The following DDX43 variants were observed in gnomAD, a reference collection of about 807,000 sequenced individuals.
The protein encoded by DDX43 is probable ATP-dependent RNA helicase DDX43.
In DDX43, 50 loss-of-function variants were observed where a neutral mutation model predicts 84.9. The observed-to-expected ratio is 0.59, with a 90% CI of 0.47 to 0.75. The LOEUF (loss-of-function observed/expected upper bound fraction) is 0.75. Ranked by LOEUF, DDX43 falls within the 30% of genes least tolerant of loss-of-function variation. DDX43 has a pLI of 0.00. For synonymous variants in DDX43, 291 were observed against 266.3 expected (o/e 1.09, Z -0.90); for missense variants, 689 against 798.6 (o/e 0.86, Z 1.65).
intron 1 of DDX43, among the ~76,000 whole-genome samples, chr6:73,395,789 CT>C (rs1769459923): frequency 6.6e-6 from 1 of 152,124 alleles, no homozygotes; most frequent in Admixed American, 6.6e-5. Context: ...CTTAATCAGT[CT>C]TTCTATGAGT....
At chr6:73,405,162 C>T (rs1769653365) in intron 5 of DDX43, among the ~76,000 whole-genome samples, 2 of 151,604 alleles carry the variant, frequency 1.3e-5, no homozygotes, top group South Asian at 4.2e-4. Context: ...CTCTTCAGTC[C>T]TTGCTACCTG....
chr6:73,416,041 A>C, intron 15 of DDX43, 72 bp from the exon 16 acceptor site: 1 of 808,144 alleles, frequency 1.2e-6, no homozygotes, highest in Non-Finnish European at 2.2e-6. Context: ...ATTATCTGAA[A>C]TGATTTGGAT....
At chr6:73,400,193 G>T in intron 2 of DDX43, 41 bp from the exon 3 acceptor site, 2 of 1,539,032 alleles carry the variant, frequency 1.3e-6, no homozygotes, top group South Asian at 1.2e-5. Flanking sequence ...ATGTTTTTTA[G>T]GGAAATTTTA....
intron 13 of DDX43, 112 bp downstream of exon 13, chr6:73,414,191 T>TTC: frequency 1.5e-6 from 1 of 668,368 alleles, no homozygotes; most frequent in South Asian, 1.9e-5. Context: ...TGTCCTCACC[T>TTC]TCTGTATCCT....
Position 73,402,255 on chromosome 6 carries a change from A to G in DDX43, c.568+265A>G, listed in dbSNP as rs554666580. On this transcript the variant is annotated intron_variant, in intron 4 of 16. Coordinates refer to ENST00000370336, the MANE Select transcript of DDX43 (RefSeq NM_018665.3). ...ATAAAATAGGAAAAAATCAGTCCCA[A>G]TGGGAAAATAGGAAGGGAGTAAACA... 6.6e-5 allele frequency among the ~76,000 whole-genome samples: 10 copies of G among 152,292 alleles called. No homozygotes were observed. In the South Asian group the frequency reaches 1.2e-3, roughly 19 times the overall value.
Position 73,394,851 on chromosome 6 carries a change from T to C in DDX43, c.-55T>C. ...GCACGCTACTCTTACGACGTCACGG[T>C]CAGGTGGTGCAGAGCTGGACGGCAA... On this transcript the variant is annotated 5_prime_UTR_variant, in exon 1 of 17. Transcript: ENST00000370336. 3 of 1,590,460 alleles carry C rather than the reference T, an allele frequency of 1.9e-6. No homozygotes were observed. Among genetic ancestry groups the C allele is most frequent in the Non-Finnish European group, 2.6e-6 (3 of 1,167,662 alleles).
intron 10 of DDX43, among the ~76,000 whole-genome samples, chr6:73,410,972 G>T (rs1482080911): frequency 1.3e-5 from 2 of 151,894 alleles, no homozygotes; most frequent in Non-Finnish European, 2.9e-5. Context: ...GAATCACGAG[G>T]TCAGGAGATC....
Position 73,407,994 on chromosome 6 carries a change from C to A in DDX43, c.1072C>A (p.Gln358Lys). 7 of 1,613,442 alleles carry A rather than the reference C, an allele frequency of 4.3e-6. No individual in the cohort carries two copies. Among genetic ancestry groups the A allele is most frequent in the Non-Finnish European group, 5.9e-6 (7 of 1,179,626 alleles). The change falls in exon 9 of 17, where the codon CAA (glutamine) becomes AAA (lysine). Residue 358 changes from glutamine to lysine, a missense_variant. Physicochemically the swap from Gln to Lys is moderately conservative, Grantham distance 53. Coordinates refer to ENST00000370336, the MANE Select transcript of DDX43 (RefSeq NM_018665.3). ...ATATGGTGGTGGAAATAGAGATGAA[C>A]AAATAGAAGAGCTTAAAAAAGGTGT... ...CVYGGGNRDE[Q>K]IEELKKGVDI...
chr6:73,406,957 A>G (rs1022601945), intron 7 of DDX43: 1 of 153,416 alleles, frequency 6.5e-6, no homozygotes, highest in Non-Finnish European at 1.4e-5. Flanking sequence ...AAAATAATAC[A>G]TTTTCTTATG....
intron 10 of DDX43, among the ~76,000 whole-genome samples, chr6:73,410,711 GC>G (rs1769766998): frequency 6.6e-6 from 1 of 152,104 alleles, no homozygotes; most frequent in South Asian, 2.1e-4. Flanking sequence ...TCCCACCTCA[GC>G]CTTCTGAGTA....
chr6:73,412,652 TG>T (rs1769811886), intron 11 of DDX43, among the ~76,000 whole-genome samples: 1 of 83,450 alleles, frequency 1.2e-5, no homozygotes, highest in African/African-American at 4.3e-5. Context: ...TGTGTGTGTG[TG>T]TGTGTGTGTG....
At chr6:73,401,816 A>T (rs765171670) in intron 3 of DDX43, 43 bp from the exon 4 acceptor site, 4 of 1,541,744 alleles carry the variant, frequency 2.6e-6, no homozygotes, top group Non-Finnish European at 3.5e-6. Flanking sequence ...AAAAAAAAAA[A>T]AAAAAATAGA....
intron 11 of DDX43, 78 bp downstream of exon 11, chr6:73,412,370 T>C: frequency 8.8e-7 from 1 of 1,139,798 alleles, no homozygotes; most frequent in Non-Finnish European, 1.3e-6. Flanking sequence ...GTGCCTAGTC[T>C]GCCCACTCCC....
intron 4 of DDX43, among the ~76,000 whole-genome samples, chr6:73,402,955 T>A (rs937740972): frequency 1.3e-5 from 2 of 152,224 alleles, no homozygotes; most frequent in Admixed American, 6.5e-5. Flanking sequence ...ATTCAAGCAC[T>A]AGCCTTGGCT....
intron 6 of DDX43, 58 bp downstream of exon 6, chr6:73,405,893 T>C (rs1429911032): frequency 3.3e-6 from 5 of 1,515,482 alleles, no homozygotes; most frequent in African/African-American, 2.8e-5. Flanking sequence ...ACCAGTGATA[T>C]CTGATTGTTA....
chr6:73,413,747 CACAG>C lies in DDX43; in HGVS notation c.1462_1465del (p.Asp488LysfsTer19), dbSNP rs752276966. 1.1e-5 allele frequency: 18 copies of C among 1,613,526 alleles called. No homozygotes were observed. In the Admixed American group the frequency reaches 2.7e-4, roughly 24 times the overall value. ...AAACTTTTCTACAGAGTATGTCATC[CACAG>C]ACAAAGTCATTGTCTTCGTTTCTCG... On this transcript the variant is annotated frameshift_variant, in exon 12 of 17. Coordinates refer to ENST00000370336, the MANE Select transcript of DDX43 (RefSeq NM_018665.3). LOFTEE classifies it high-confidence loss of function.
intron 10 of DDX43, among the ~76,000 whole-genome samples, chr6:73,411,847 G>A (rs549948166): frequency 3.3e-5 from 5 of 152,122 alleles, no homozygotes; most frequent in South Asian, 2.1e-4. Flanking sequence ...ACAGGCGTCC[G>A]CTAACACACC....
At chr6:73,395,486 C>G (rs528170758) in intron 1 of DDX43, among the ~76,000 whole-genome samples, 1 of 151,804 alleles carries the variant, frequency 6.6e-6, no homozygotes, top group Non-Finnish European at 1.5e-5. Context: ...TGGTGGCGCG[C>G]GCCTGTAATC....
intron 7 of DDX43, 78 bp downstream of exon 7, chr6:73,406,560 T>C: frequency 2.2e-6 from 2 of 895,018 alleles, no homozygotes; most frequent in Non-Finnish European, 3.5e-6. Flanking sequence ...AAAGTTTCTT[T>C]ACCTATTGCT....
Sources: allele counts gnomAD v4.1 joint callset (sites outside exome capture counted in the v4.1 genomes callset), GRCh38; gene constraint gnomAD v4.1.1; transcripts MANE v1.5; gene names NCBI Gene and HGNC (gene_info 2026-07-23, HGNC 2026-07-21).